GALC: variants seen among roughly 807,000 people sequenced by gnomAD.
GALC encodes galactocerebrosidase.
In GALC, 77 loss-of-function variants were observed where a neutral mutation model predicts 91.8. That is an observed-to-expected ratio of 0.84 (90% CI 0.70 to 1.01). The LOEUF (loss-of-function observed/expected upper bound fraction) is 1.01, where lower values mean the gene tolerates loss of function less well. GALC is among the 50% of genes least tolerant of loss of function. GALC has a pLI of 0.00. For synonymous variants in GALC, 357 were observed against 306.7 expected (o/e 1.16, Z -1.71); for missense variants, 882 against 855.9 (o/e 1.03, Z -0.38).
chr14:87,935,338 G>A (rs190583582), intron 16 of GALC, among the ~76,000 whole-genome samples: 1 of 152,128 alleles, frequency 6.6e-6, no homozygotes, highest in East Asian at 1.9e-4. Context: ...TTTCATTAAG[G>A]AGCCTCTGCC....
intron 3 of GALC, 95 bp downstream of exon 3, chr14:87,988,049 G>T: frequency 1.1e-6 from 1 of 921,594 alleles, no homozygotes; most frequent in Non-Finnish European, 1.8e-6. Context: ...CAAAAGTGTT[G>T]GTATTGTTTA....
chr14:87,988,068 C>A (rs970687330), intron 3 of GALC, 76 bp downstream of exon 3: 6 of 1,118,416 alleles, frequency 5.4e-6, no homozygotes, highest in Admixed American at 1.7e-5. Context: ...TACACATATT[C>A]TGAAATCACA....
intron 15 of GALC, among the ~76,000 whole-genome samples, chr14:87,940,915 T>G (rs144520617): frequency 6.6e-6 from 1 of 152,024 alleles, no homozygotes; most frequent in African/African-American, 2.4e-5. Flanking sequence ...ACACAAGGGC[T>G]GTAAAGATGA....
intron 3 of GALC, chr14:87,986,934 T>C (rs2119702): frequency 2.3e-6 from 1 of 436,400 alleles, no homozygotes; most frequent in South Asian, 1.8e-5. Flanking sequence ...TCTGTAGTTT[T>C]CAAATCCCCA....
intron 2 of GALC, 62 bp downstream of exon 2, chr14:87,988,393 G>T: frequency 7.5e-7 from 1 of 1,326,378 alleles, no homozygotes; most frequent in Non-Finnish European, 1.1e-6. Flanking sequence ...ATTCTATGGT[G>T]AAATTCACCA....
intron 1 of GALC, among the ~76,000 whole-genome samples, chr14:87,991,943 A>C (rs981531339): frequency 6.6e-6 from 1 of 152,258 alleles, no homozygotes; most frequent in Non-Finnish European, 1.5e-5. Flanking sequence ...AAACATAAAA[A>C]GGAGAATAGT....
intron 9 of GALC, among the ~76,000 whole-genome samples, chr14:87,965,164 C>T (rs964535152): frequency 1.3e-5 from 2 of 152,078 alleles, no homozygotes; most frequent in Non-Finnish European, 2.9e-5. Context: ...CTTAAGACTT[C>T]TACTCTGTTT....
intron 16 of GALC, 47 bp from the exon 17 acceptor site, chr14:87,934,925 C>G: frequency 7.2e-7 from 1 of 1,396,262 alleles, no homozygotes; most frequent in Non-Finnish European, 1.0e-6. Context: ...GAAAATGGTC[C>G]TCTGAAGTCT....
chr14:87,946,550 C>T (rs1473581209), intron 13 of GALC, among the ~76,000 whole-genome samples: 2 of 151,910 alleles, frequency 1.3e-5, no homozygotes, highest in African/African-American at 2.4e-5. Flanking sequence ...TAAAGTATTA[C>T]ATTTTATATT....
Position 87,976,663 on chromosome 14 carries a change from G to A in GALC, c.622-175C>T, listed in dbSNP as rs111931900. 75,045 of 562,342 alleles carry A rather than the reference G, an allele frequency of 0.13. 5,681 individuals are homozygous for A. The highest frequency in any genetic ancestry group is 0.16 in the Non-Finnish European group (50,848 of 314,414). 34.8% of individuals were successfully genotyped at this position (562,342 alleles called of 1,614,324 possible). A position where few individuals can be genotyped will look rare whatever the true frequency, so the allele number is the denominator to read the frequency against. ...AGAGGCTTCTCTCGTCGCCCAGGCT[G>A]GAGTGCAGTGGCAGGATCTCAGCTC... On this transcript the variant is annotated intron_variant, in intron 6 of 16. Coordinates refer to ENST00000261304, the MANE Select transcript of GALC (RefSeq NM_000153.4).
At chr14:87,978,592 T>A (rs1025494076) in intron 6 of GALC, among the ~76,000 whole-genome samples, 5 of 152,200 alleles carry the variant, frequency 3.3e-5, no homozygotes, top group Non-Finnish European at 7.3e-5. Flanking sequence ...TAACATATTT[T>A]CAGATTATGT....
In GALC at chr14:87,935,116, A is replaced by G. The variant is rs79558046; in HGVS notation, c.1912-238T>C. 0.047 allele frequency among the ~76,000 whole-genome samples: 7,094 copies of G among 152,228 alleles called. 271 individuals are homozygous for G. The highest frequency in any genetic ancestry group is 0.074 in the Non-Finnish European group (5,050 of 67,982). On this transcript the variant is annotated intron_variant, in intron 16 of 16. Transcript: ENST00000261304. ...TTCCCAAAGTACAAGGAATACCTCA[A>G]TATTTCCTGTGCTCCACCAAAATTT...
intron 8 of GALC, among the ~76,000 whole-genome samples, chr14:87,966,452 CA>C (rs1425832248): frequency 6.6e-6 from 1 of 151,600 alleles, no homozygotes; most frequent in East Asian, 1.9e-4. Flanking sequence ...TTAAAAAAAA[CA>C]AAGCTTACCC....
At chr14:87,969,757 T>C (rs937767406) in intron 7 of GALC, among the ~76,000 whole-genome samples, 1 of 152,164 alleles carries the variant, frequency 6.6e-6, no homozygotes, top group African/African-American at 2.4e-5. Context: ...TCACAAATCT[T>C]TTAGGAAAAA....
chr14:87,978,128 C>T (rs942842161), intron 6 of GALC, among the ~76,000 whole-genome samples: 4 of 152,226 alleles, frequency 2.6e-5, no homozygotes, highest in Non-Finnish European at 5.9e-5. Flanking sequence ...TATCGGCTCA[C>T]TGCAACCTCT....
In GALC at chr14:87,986,492, T is replaced by C. The variant is rs368584291; in HGVS notation, c.439A>G (p.Ile147Val). 2.6e-6 allele frequency: 4 copies of C among 1,561,550 alleles called. No homozygotes were observed. The African/African-American group carries it at 5.4e-5, about 21-fold the overall frequency. Reference sequence around the variant, plus strand: ...CATTGCAAACTTCATTTCTTACCAATGAGTGTAATATTGGGATTCCTCTTC... The same window carrying C: ...CATTGCAAACTTCATTTCTTACCAACGAGTGTAATATTGGGATTCCTCTTC... ...AKKRNPNITL[I>V]GLPWSFPGWL... The change falls in exon 4 of 17, where the codon ATT (isoleucine) becomes GTT (valine). Residue 147 changes from isoleucine to valine, a missense_variant. Physicochemically the swap from Ile to Val is conservative, Grantham distance 29. Coordinates refer to ENST00000261304, the MANE Select transcript of GALC (RefSeq NM_000153.4).
intron 16 of GALC, among the ~76,000 whole-genome samples, chr14:87,937,197 G>A (rs12100915): frequency 0.017 from 2,549 of 151,926 alleles, 71 homozygotes; most frequent in African/African-American, 0.058. Flanking sequence ...TTTACGCAAA[G>A]AAGATTTATA....
At position 87,965,584 on chromosome 14, in the gene GALC, A is replaced by G; in HGVS notation, c.954T>C (p.Pro318=). 6.2e-7 allele frequency: 1 copy of G among 1,613,556 alleles called. No individual in the cohort carries two copies. The highest frequency in any genetic ancestry group is 8.5e-7 in the Non-Finnish European group (1 of 1,179,644). Residue 318 remains proline, a synonymous_variant, in exon 9 of 17, where the codon CCT becomes CCC. Coordinates refer to ENST00000261304, the MANE Select transcript of GALC (RefSeq NM_000153.4). ...CCGTCATCAACCCGCATCTCCCATA[A>G]GGCAACTGTTCATAGTAACTAGCCA... is the stretch of plus-strand genomic sequence containing the variant. ...NLVASYYEQL[P]YGRCGLMTAQ...
At chr14:87,962,279 T>C (rs1885836698) in intron 10 of GALC, among the ~76,000 whole-genome samples, 1 of 152,124 alleles carries the variant, frequency 6.6e-6, no homozygotes. Flanking sequence ...TCTAGGTCTT[T>C]GGAGGATCAC....
Sources: gnomAD v4.1 joint callset for allele counts (sites outside exome capture counted in the v4.1 genomes callset) on GRCh38, gnomAD v4.1.1 for gene constraint, MANE v1.5 for transcripts, NCBI Gene and HGNC (gene_info 2026-07-23, HGNC 2026-07-21) for gene names.